Variants in GABBR2 observed in about 807,000 individuals in gnomAD.
GABBR2 encodes the protein gamma-aminobutyric acid type B receptor subunit 2.
GABBR2 carries 23 observed loss-of-function variants against 105.6 expected under a neutral mutation model. The ratio of observed to expected loss-of-function variants is 0.22; its 90% CI spans 0.16 to 0.31. The LOEUF is 0.31. Ranked by LOEUF, GABBR2 falls within the 10% of genes least tolerant of loss-of-function variation. GABBR2 has a pLI of 1.00. For synonymous variants in GABBR2, 478 were observed against 499.7 expected, an observed-to-expected ratio of 0.96 and a Z score of 0.58; for missense variants, 734 against 1,245.5, an observed-to-expected ratio of 0.59 and a Z score of 6.18.
intron 1 of GABBR2, among the ~76,000 whole-genome samples, chr9:98,686,783 C>G (rs546415174): frequency 7.2e-5 from 11 of 152,148 alleles, no homozygotes; most frequent in Non-Finnish European, 1.6e-4. Flanking sequence ...GGACTCCCAG[C>G]TCAGTCAGTG....
intron 3 of GABBR2, among the ~76,000 whole-genome samples, chr9:98,524,574 C>T (rs1231533332): frequency 1.3e-5 from 2 of 152,212 alleles, no homozygotes; most frequent in Non-Finnish European, 2.9e-5. Flanking sequence ...TGCACTCTCC[C>T]TCAAGTTGAG....
intron 1 of GABBR2, among the ~76,000 whole-genome samples, chr9:98,616,800 CCA>C (rs555407247): frequency 6.6e-6 from 1 of 151,826 alleles, no homozygotes; most frequent in African/African-American, 2.4e-5. Flanking sequence ...GTTTAGAGAT[CCA>C]CAGAGTCAGC....
intron 13 of GABBR2, among the ~76,000 whole-genome samples, chr9:98,313,180 C>T (rs942559077): frequency 6.6e-6 from 1 of 152,200 alleles, no homozygotes; most frequent in Non-Finnish European, 1.5e-5. Flanking sequence ...CCACACATCA[C>T]CATAATTTTT....
chr9:98,695,868 A>G (rs1286325278), intron 1 of GABBR2, among the ~76,000 whole-genome samples: 2 of 152,152 alleles, frequency 1.3e-5, no homozygotes, highest in African/African-American at 4.8e-5. Context: ...GCACTGAAAA[A>G]CAAACTAGCA....
intron 8 of GABBR2, among the ~76,000 whole-genome samples, chr9:98,405,312 T>A (rs1832470960): frequency 6.6e-6 from 1 of 152,082 alleles, no homozygotes; most frequent in South Asian, 2.1e-4. Flanking sequence ...CCCAGCTACT[T>A]AGGAGGCTGA....
chr9:98,583,193 T>G (rs939558735), intron 1 of GABBR2, among the ~76,000 whole-genome samples: 2 of 152,222 alleles, frequency 1.3e-5, no homozygotes, highest in African/African-American at 4.8e-5. Flanking sequence ...AATAACAAAA[T>G]AAATCACATG....
chr9:98,361,836 T>C (rs77494648), intron 13 of GABBR2, among the ~76,000 whole-genome samples: 5,750 of 152,204 alleles, frequency 0.038, 152 homozygotes, highest in African/African-American at 0.076. Flanking sequence ...CCAAGCTGAG[T>C]AAACACTGTC....
chr9:98,603,669 T>C (rs1374584620), intron 1 of GABBR2, among the ~76,000 whole-genome samples: 2 of 152,222 alleles, frequency 1.3e-5, no homozygotes, highest in African/African-American at 4.8e-5. Flanking sequence ...CACAAAGATG[T>C]GATTTTCCCA....
chr9:98,427,870 C>T lies in GABBR2; in HGVS notation c.1237-21729G>A, dbSNP rs566480844. 1.3e-4 allele frequency among the ~76,000 whole-genome samples: 20 copies of T among 152,284 alleles called. 1 individual carries two copies. The highest frequency in any genetic ancestry group is 2.1e-4 in the Non-Finnish European group (14 of 68,022). ...CCTGTTGATAGCCAGCATCCACTTGCCAGCCATTTGTGGGAGACATCTTGA... is the reference window on the plus strand; with the variant it reads ...CCTGTTGATAGCCAGCATCCACTTGTCAGCCATTTGTGGGAGACATCTTGA... On this transcript the variant is annotated intron_variant, in intron 7 of 18. Coordinates refer to ENST00000259455, the MANE Select transcript of GABBR2 (RefSeq NM_005458.8).
intron 12 of GABBR2, among the ~76,000 whole-genome samples, chr9:98,363,229 T>C (rs1831618904): frequency 6.6e-6 from 1 of 152,140 alleles, no homozygotes; most frequent in Admixed American, 6.5e-5. Flanking sequence ...CATGAAGTCC[T>C]CTCTAACTCC....
intron 13 of GABBR2, among the ~76,000 whole-genome samples, chr9:98,323,085 T>C (rs920669930): frequency 1.3e-5 from 2 of 151,740 alleles, no homozygotes; most frequent in Non-Finnish European, 1.5e-5. Flanking sequence ...TAAGGCTGAG[T>C]GACCCGCTCC....
intron 3 of GABBR2, among the ~76,000 whole-genome samples, chr9:98,536,968 G>T (rs1032626217): frequency 2.6e-5 from 4 of 152,174 alleles, no homozygotes; most frequent in African/African-American, 9.7e-5. Context: ...GTAGAATGGG[G>T]CTACTTTGAG....
Position 98,548,101 on chromosome 9 carries a change from ACTT to A in GABBR2, c.460-6061_460-6059del, listed in dbSNP as rs1475754011. Among the ~76,000 whole-genome samples the A allele has an allele frequency of 5.0e-5, 6 of 120,212 alleles. 2 individuals carry two copies. The highest frequency in any genetic ancestry group is 1.6e-4 in the African/African-American group (6 of 37,518). The allele number at this position is 120,212 out of a possible 152,430, so 78.9% of individuals were successfully genotyped here. A position where few individuals can be genotyped will look rare whatever the true frequency, so the allele number is the denominator to read the frequency against. On this transcript the variant is annotated intron_variant, in intron 2 of 18. Coordinates refer to ENST00000259455, the MANE Select transcript of GABBR2 (RefSeq NM_005458.8). The stretch of plus-strand genomic sequence containing the variant: ...ATTTTCAGAGATGGACTCTTCCTCC[ACTT>A]CTTCTGAGTACTCTGCTTTTTTTCA...
At chr9:98,408,804 T>C (rs1377754961) in intron 7 of GABBR2, among the ~76,000 whole-genome samples, 1 of 152,214 alleles carries the variant, frequency 6.6e-6, no homozygotes, top group African/African-American at 2.4e-5. Flanking sequence ...TTTTATTTTT[T>C]TGAGACAGGG....
intron 13 of GABBR2, among the ~76,000 whole-genome samples, chr9:98,321,686 A>G (rs1391832569): frequency 6.6e-6 from 1 of 152,216 alleles, no homozygotes; most frequent in Non-Finnish European, 1.5e-5. Flanking sequence ...AAGGAGCTGA[A>G]GAGGAACCTG....
intron 4 of GABBR2, among the ~76,000 whole-genome samples, chr9:98,488,375 T>A (rs1158588160): frequency 3.3e-5 from 5 of 152,176 alleles, no homozygotes. Context: ...GTCAAAGCTG[T>A]CCCCTTAATG....
chr9:98,507,606 G>C (rs1025303712), intron 3 of GABBR2, among the ~76,000 whole-genome samples: 1 of 152,174 alleles, frequency 6.6e-6, no homozygotes, highest in South Asian at 2.1e-4. Flanking sequence ...ATGATTTGTT[G>C]CAGCAGAACA....
At chr9:98,461,331 A>G (rs1039601430) in intron 6 of GABBR2, among the ~76,000 whole-genome samples, 1 of 152,212 alleles carries the variant, frequency 6.6e-6, no homozygotes, top group Non-Finnish European at 1.5e-5. Flanking sequence ...TACTTCAGTA[A>G]TTAAAACAGG....
chr9:98,660,822 C>T (rs975211216), intron 1 of GABBR2, among the ~76,000 whole-genome samples: 4 of 152,356 alleles, frequency 2.6e-5, no homozygotes, highest in Non-Finnish European at 5.9e-5. Flanking sequence ...CTACTACTCA[C>T]TCTGACCTCC....
Sources: gnomAD v4.1 joint callset for allele counts (sites outside exome capture counted in the v4.1 genomes callset) on GRCh38, gnomAD v4.1.1 for gene constraint, MANE v1.5 for transcripts, NCBI Gene and HGNC (gene_info 2026-07-23, HGNC 2026-07-21) for gene names.